Variants in RALGDS observed in about 807,000 individuals in gnomAD.
RALGDS encodes the protein ral guanine nucleotide dissociation stimulator, also known as ral guanine nucleotide exchange factor.
A neutral mutation model predicts 99.8 loss-of-function variants in RALGDS; 44 were observed. That is an observed-to-expected ratio of 0.44 (90% CI 0.35 to 0.57). RALGDS has a LOEUF of 0.57. RALGDS is among the 20% of genes least tolerant of loss of function. RALGDS has a pLI of 0.01. For missense variants in RALGDS, 1,022 were observed against 1,203.1 expected, an observed-to-expected ratio of 0.85 and a Z score of 2.23; for synonymous variants, 529 against 505.0, an observed-to-expected ratio of 1.05 and a Z score of -0.64.
At chr9:133,131,208 G>C (rs1832324132), upstream of RALGDS, 2 of 1,141,512 alleles carry the variant, frequency 1.8e-6, no homozygotes, top group African/African-American at 3.5e-5. Context: ...ACCCAGCTGA[G>C]CAGACAGTTC....
Position 133,121,192 on chromosome 9 carries a change from CGCGGCGG to C in RALGDS, c.-45_-39del. On this transcript the variant is annotated 5_prime_UTR_variant, in exon 1 of 18. Transcript: ENST00000372050. Reference sequence around the variant, plus strand: ...GCGCGGGCGCGGGGCCGGCCCGGCGCGCGGCGGGGGCGGCGGCGCGGCCCGCGCGGCT... The same window carrying C: ...GCGCGGGCGCGGGGCCGGCCCGGCGCGGGCGGCGGCGCGGCCCGCGCGGCT... 1 of 892,420 alleles carries C rather than the reference CGCGGCGG, an allele frequency of 1.1e-6. No individual in the cohort carries two copies. Among genetic ancestry groups the C allele is most frequent in the African/African-American group, 1.8e-5 (1 of 54,064 alleles). The allele number at this position is 892,420 out of a possible 1,614,324, so 55.3% of individuals were successfully genotyped here. A position where few individuals can be genotyped will look rare whatever the true frequency, so the allele number is the denominator to read the frequency against.
At chr9:133,129,421 G>A (rs1832266746) in intron 1 of RALGDS, 1 of 1,415,664 alleles carries the variant, frequency 7.1e-7, no homozygotes, top group Non-Finnish European at 9.2e-7. Context: ...GAGTGCCTGG[G>A]CCTGGTGTCA....
chr9:133,140,280 AC>A (rs1291221850), intron 1 of RALGDS, among the ~76,000 whole-genome samples: 1 of 135,314 alleles, frequency 7.4e-6, no homozygotes, highest in South Asian at 2.7e-4. Flanking sequence ...GGCAAAGGGC[AC>A]CCCCCCACAC....
At chr9:133,147,341 T>C (rs1196566951) in intron 1 of RALGDS, among the ~76,000 whole-genome samples, 1 of 152,246 alleles carries the variant, frequency 6.6e-6, no homozygotes, top group African/African-American at 2.4e-5. Flanking sequence ...TTATTTTCGC[T>C]GCAGCACTGC....
Position 133,130,158 on chromosome 9 carries a change from G to A in RALGDS, c.132+794C>T, listed in dbSNP as rs140215957. On this transcript the variant is annotated intron_variant, in intron 1 of 17. Transcript: ENST00000372062. The stretch of plus-strand genomic sequence containing the variant: ...AGCTAATTTTTGTATTTTTAGTAGA[G>A]ATGGGGCTTCACTACATTGGCCAGG... Among the ~76,000 whole-genome samples the A allele has an allele frequency of 4.5e-3, 680 of 152,236 alleles. 3 individuals are homozygous for A. Among genetic ancestry groups the A allele is most frequent in the African/African-American group, 0.016 (647 of 41,534 alleles).
chr9:133,103,069 ACCTCCTACCCTCAC>A (rs1337971236), intron 12 of RALGDS, among the ~76,000 whole-genome samples, 147 bp downstream of exon 12: 1 of 151,740 alleles, frequency 6.6e-6, no homozygotes, highest in Non-Finnish European at 1.5e-5. Context: ...CTGGATTATA[ACCTCCTACCCTCAC>A]CCTCCAGTGG....
upstream of RALGDS, among the ~76,000 whole-genome samples, chr9:133,134,364 C>G (rs1374147083): frequency 1.3e-5 from 2 of 152,340 alleles, no homozygotes; most frequent in East Asian, 3.9e-4. Context: ...CCCCTTCGTA[C>G]CCTAGAGCCT....
intron 7 of RALGDS, 85 bp downstream of exon 7, chr9:133,107,000 G>A (rs554786738): frequency 6.9e-7 from 1 of 1,451,096 alleles, no homozygotes; most frequent in East Asian, 2.3e-5. Flanking sequence ...GGTAGACTGG[G>A]GCCTGTACAG....
chr9:133,110,239 G>T, intron 3 of RALGDS, 57 bp downstream of exon 3: 1 of 1,527,322 alleles, frequency 6.5e-7, no homozygotes, highest in Non-Finnish European at 9.1e-7. Flanking sequence ...CCGCAGCCAG[G>T]TGGGGGTGGG....
rs1832588060 is a variant in RALGDS, at chr9:133,144,357, C to T, written c.18+4606G>A. On this transcript the variant is annotated intron_variant, in intron 1 of 17. Coordinates refer to the RALGDS transcript ENST00000393160. This position sits in a 1 kb window ranked among gnomAD's most constrained non-coding sequence, Gnocchi z 4.5. ...ACACCACGGTCTGCAAACCATGGTC[C>T]TCCTCGCCACCCCTGTCACCTCCTC... Among the ~76,000 whole-genome samples, 1 of 152,148 alleles carries T rather than the reference C, an allele frequency of 6.6e-6. No homozygotes were observed.
upstream of RALGDS, among the ~76,000 whole-genome samples, chr9:133,121,407 T>G (rs1831941738): frequency 6.7e-6 from 1 of 150,270 alleles, no homozygotes; most frequent in Non-Finnish European, 1.5e-5. Flanking sequence ...ACCGGGAGCC[T>G]GGAGGGGCGG....
At chr9:133,113,813 C>T (rs577925453) in intron 1 of RALGDS, among the ~76,000 whole-genome samples, 2 of 152,346 alleles carry the variant, frequency 1.3e-5, no homozygotes, top group South Asian at 4.1e-4. Flanking sequence ...TTAGCCACAT[C>T]TGGACCAGCT....
At position 133,112,029 on chromosome 9, in the gene RALGDS, C is replaced by A; in HGVS notation, c.294+13G>T. On this transcript the variant is annotated intron_variant, in intron 2 of 17. Transcript: ENST00000372050. Reference sequence around the variant, plus strand: ...CAGCTGCGTCTCCCAGTGGAGACCCCGAGCGCACTCACCCCGAGCCAGCGC... The same window carrying A: ...CAGCTGCGTCTCCCAGTGGAGACCCAGAGCGCACTCACCCCGAGCCAGCGC... 2 of 1,555,396 alleles carry A rather than the reference C, an allele frequency of 1.3e-6. No individual in the cohort carries two copies. Among genetic ancestry groups the A allele is most frequent in the Non-Finnish European group, 8.7e-7 (1 of 1,147,168 alleles).
intron 17 of RALGDS, 59 bp from the exon 18 acceptor site, chr9:133,098,821 C>T: frequency 3.2e-6 from 5 of 1,558,524 alleles, no homozygotes; most frequent in South Asian, 1.1e-5. Context: ...GCAGGATACC[C>T]CTACCGCTTG....
At chr9:133,101,912 T>C in intron 15 of RALGDS, 26 bp downstream of exon 15, 1 of 1,550,690 alleles carries the variant, frequency 6.4e-7, no homozygotes, top group Non-Finnish European at 8.7e-7. Context: ...TGGGAAAGGA[T>C]ATTGGGGAGA....
At chr9:133,114,429 G>T (rs1831494882) in intron 1 of RALGDS, among the ~76,000 whole-genome samples, 1 of 152,186 alleles carries the variant, frequency 6.6e-6, no homozygotes, top group African/African-American at 2.4e-5. Flanking sequence ...CAAAGTGGCA[G>T]AGTAAGGCCT....
intron 10 of RALGDS, 56 bp from the exon 11 acceptor site, chr9:133,103,889 C>T (rs1830883947): frequency 2.0e-6 from 3 of 1,531,612 alleles, no homozygotes; most frequent in African/African-American, 1.4e-5. Context: ...GCTTTCTCAG[C>T]CCCCAGCCCC....
chr9:133,127,109 TTCCTTGGCCAGTACA>T (rs1832186222), intron 1 of RALGDS, among the ~76,000 whole-genome samples: 1 of 152,212 alleles, frequency 6.6e-6, no homozygotes, highest in Non-Finnish European at 1.5e-5. Context: ...CTTCCACCCA[TTCCTTGGCCAGTACA>T]TCCTTGGCCG....
intron 1 of RALGDS, among the ~76,000 whole-genome samples, chr9:133,128,087 G>A (rs140375492): frequency 2.0e-5 from 3 of 152,328 alleles, no homozygotes; most frequent in East Asian, 3.9e-4. Context: ...ATCGGGGGCC[G>A]CTCGGACAGC....
Sources: gnomAD v4.1 joint callset for allele counts (sites outside exome capture counted in the v4.1 genomes callset) on GRCh38, gnomAD v4.1.1 for gene constraint, Gnocchi (gnomAD v3.1) non-coding constraint, MANE v1.5 for transcripts, NCBI Gene and HGNC (gene_info 2026-07-23, HGNC 2026-07-21) for gene names.